SNX25: variants seen among roughly 807,000 people sequenced by gnomAD.
SNX25 encodes sorting nexin-25.
Under a neutral mutation model 113.7 loss-of-function variants are expected in SNX25, and 62 were observed. The observed-to-expected ratio is 0.55, with a 90% CI of 0.44 to 0.67. The LOEUF is 0.67. SNX25 is among the 30% of genes least tolerant of loss of function. The pLI is 0.00. For missense variants in SNX25, 1,014 were observed against 1,161.0 expected, an observed-to-expected ratio of 0.87 and a Z score of 1.84; for synonymous variants, 421 against 436.2, an observed-to-expected ratio of 0.97 and a Z score of 0.43.
At position 185,363,855 on chromosome 4, in the gene SNX25, A is replaced by G. The variant is rs2095377141; in HGVS notation, c.*390A>G. 1.3e-5 allele frequency: 2 copies of G among 158,204 alleles called. No individual in the cohort carries two copies. The allele number at this position is 158,204 out of a possible 1,614,324, so 9.8% of individuals were successfully genotyped here. A position where few individuals can be genotyped will look rare whatever the true frequency, so the allele number is the denominator to read the frequency against. On this transcript the variant is annotated 3_prime_UTR_variant, in exon 19 of 19. Coordinates refer to ENST00000652585, the MANE Select transcript of SNX25 (RefSeq NM_001378034.2). The surrounding 1 kb of genome is among the most constrained non-coding windows in gnomAD (Gnocchi z 4.2). ...TATATTATTTCATGTATATTGAAGA[A>G]CATTGTTATGCAATGCTTTGTGTAA... is the stretch of plus-strand genomic sequence containing the variant.
intron 6 of SNX25, among the ~76,000 whole-genome samples, chr4:185,296,595 A>G (rs1287759890): frequency 1.3e-5 from 2 of 152,164 alleles, no homozygotes; most frequent in Non-Finnish European, 2.9e-5. Flanking sequence ...TTTTAATACA[A>G]TTAATTCTGG....
chr4:185,299,142 G>A (rs953049429), intron 6 of SNX25, among the ~76,000 whole-genome samples: 5 of 152,202 alleles, frequency 3.3e-5, no homozygotes, highest in Non-Finnish European at 5.9e-5. Context: ...TCAGAGTAAC[G>A]CTGAGTTGAG....
intron 3 of SNX25, among the ~76,000 whole-genome samples, chr4:185,262,486 C>G (rs535763172): frequency 6.6e-6 from 1 of 152,158 alleles, no homozygotes; most frequent in Non-Finnish European, 1.5e-5. Context: ...TTCTTTGTCT[C>G]TGAAATGTTC....
At position 185,346,629 on chromosome 4, in the gene SNX25, T is replaced by A. The variant is rs541902384; in HGVS notation, c.2280T>A (p.Asn760Lys). The A allele has an allele frequency of 6.3e-7, 1 of 1,581,674 alleles. No individual in the cohort carries two copies. Among genetic ancestry groups the A allele is most frequent in the East Asian group, 2.3e-5 (1 of 43,742 alleles). The change falls in exon 13 of 19, where the codon AAT becomes AAA. Residue 760 changes from asparagine (N) to lysine (K), a missense_variant. By Grantham distance (94) the Asn-to-Lys change is moderately conservative. Coordinates refer to ENST00000652585, the MANE Select transcript of SNX25 (RefSeq NM_001378034.2). ...IDQKFMEKSK[N>K]QLNKFLQNLL... is the part of the protein sequence containing the mutation. ...AAAAGTTTATGGAAAAGTCGAAGAA[T>A]CAATTAAATAAGTTTTTACAGGTAA...
chr4:185,232,372 G>A lies in SNX25; in HGVS notation c.430-14922G>A, dbSNP rs564853869. 3.3e-5 allele frequency among the ~76,000 whole-genome samples: 5 copies of A among 151,894 alleles called. No homozygotes were observed. The South Asian group carries it at 8.3e-4, about 25-fold the overall frequency. ...TTATACCCCATCCATCCCCTTCCCC[G>A]CTTAAGTTTCAATTTCCCAATAATG... On this transcript the variant is annotated intron_variant, in intron 1 of 18. Transcript: ENST00000652585. This position sits in a 1 kb window ranked among gnomAD's most constrained non-coding sequence, Gnocchi z 4.4.
At chr4:185,375,631 C>T in the SNX25 span, 1 of 1,607,782 alleles carries the variant, frequency 6.2e-7, no homozygotes, top group African/African-American at 1.4e-5. Context: ...GAGTGGTCCC[C>T]AGCCCATCAT....
At chr4:185,205,293 A>G (rs1231846891), upstream of SNX25, among the ~76,000 whole-genome samples, 1 of 152,150 alleles carries the variant, frequency 6.6e-6, no homozygotes, top group Non-Finnish European at 1.5e-5. Flanking sequence ...GTCTCTACTA[A>G]AAATACAAAA....
chr4:185,340,615 A>G (rs926750289), intron 11 of SNX25, among the ~76,000 whole-genome samples: 1 of 152,176 alleles, frequency 6.6e-6, no homozygotes, highest in Non-Finnish European at 1.5e-5. Flanking sequence ...TAATGGCAAA[A>G]GCTGCTACAA....
the SNX25 span, chr4:185,377,037 G>A: frequency 1.3e-6 from 2 of 1,506,662 alleles, no homozygotes; most frequent in Non-Finnish European, 1.8e-6. Context: ...AAAAAGGTAA[G>A]GAATTCCATC....
chr4:185,267,316 G>A (rs774169423), intron 5 of SNX25, among the ~76,000 whole-genome samples, 161 bp downstream of exon 5: 5 of 151,992 alleles, frequency 3.3e-5, no homozygotes, highest in Admixed American at 6.6e-5. Context: ...CGTCTCCTTA[G>A]CAGTGTAATT....
At chr4:185,366,299 T>G (rs1485209715), downstream of SNX25, 1 of 152,262 alleles carries the variant, frequency 6.6e-6, no homozygotes, top group Non-Finnish European at 1.5e-5. Flanking sequence ...ATTGAGGCTT[T>G]TACCACAGGG....
Position 185,346,585 on chromosome 4 carries a change from C to G in SNX25, c.2236C>G (p.Pro746Ala), listed in dbSNP as rs1456801542. Residue 746 changes from proline (P) to alanine (A), a missense_variant, in exon 13 of 19, where the codon CCT becomes GCT. Coordinates refer to ENST00000652585, the MANE Select transcript of SNX25 (RefSeq NM_001378034.2). Reference protein sequence around the residue: ...KVQLPSLSKLPFKSIDQKFME... With the variant: ...KVQLPSLSKLAFKSIDQKFME... ...CCAGTTGCCTTCTCTTAGCAAGCTG[C>G]CTTTCAAATCTATAGATCAAAAGTT... 6.3e-7 allele frequency: 1 copy of G among 1,596,712 alleles called. No homozygotes were observed.
downstream of SNX25, chr4:185,366,925 CT>C (rs1314526074): frequency 6.0e-6 from 2 of 332,178 alleles, no homozygotes; most frequent in African/African-American, 4.2e-5. Flanking sequence ...GGTTTTAATA[CT>C]TGATATGGTC....
intron 1 of SNX25, among the ~76,000 whole-genome samples, chr4:185,240,358 T>G (rs77407769): frequency 8.6e-6 from 1 of 116,672 alleles, no homozygotes; most frequent in African/African-American, 3.5e-5. Flanking sequence ...CAGAGGCGCC[T>G]CTCACCTCCC....
chr4:185,222,032 C>T (rs796371238), intron 1 of SNX25, among the ~76,000 whole-genome samples: 266 of 22,936 alleles, frequency 0.012, 2 homozygotes, highest in East Asian at 0.037. Flanking sequence ...CCCTCGTTCA[C>T]TGTAGGTATA....
chr4:185,372,915 A>T (rs1386059035), downstream of SNX25: 1 of 1,613,366 alleles, frequency 6.2e-7, no homozygotes, highest in South Asian at 1.1e-5. Context: ...ACTCCACGAG[A>T]TTCCCTTGAG....
intron 1 of SNX25, among the ~76,000 whole-genome samples, chr4:185,219,174 G>T (rs1436736013): frequency 6.6e-6 from 1 of 152,120 alleles, no homozygotes; most frequent in East Asian, 1.9e-4. Context: ...GCCTTGGTCC[G>T]TCTTTCGGGG....
At chr4:185,359,897 G>A (rs368869052) in intron 16 of SNX25, among the ~76,000 whole-genome samples, 138 of 152,320 alleles carry the variant, frequency 9.1e-4, no homozygotes, top group African/African-American at 3.1e-3. Flanking sequence ...GGATTTCCAG[G>A]CTGTCCATTT....
At chr4:185,333,130 G>A (rs548686360) in intron 10 of SNX25, among the ~76,000 whole-genome samples, 1 of 152,318 alleles carries the variant, frequency 6.6e-6, no homozygotes, top group South Asian at 2.1e-4. Flanking sequence ...GTGCAATTTA[G>A]GGAACCTTAC....
Sources: gnomAD v4.1 joint callset for allele counts (sites outside exome capture counted in the v4.1 genomes callset) on GRCh38, gnomAD v4.1.1 for gene constraint, Gnocchi (gnomAD v3.1) non-coding constraint, MANE v1.5 for transcripts, NCBI Gene and HGNC (gene_info 2026-07-23, HGNC 2026-07-21) for gene names.